The following ZFHX3 variants were observed in gnomAD, a reference collection of about 807,000 sequenced individuals.
The protein encoded by ZFHX3 is zinc finger homeobox 3, also known as zinc finger homeobox protein 3.
ZFHX3 carries 42 observed loss-of-function variants against 279.1 expected under a neutral mutation model. That is an observed-to-expected ratio of 0.15 (90% CI 0.12 to 0.19). ZFHX3 has a LOEUF of 0.19. Ranked by LOEUF, ZFHX3 falls within the 10% of genes least tolerant of loss-of-function variation. The pLI is 1.00. For synonymous variants in ZFHX3, 2,293 were observed against 1,957.8 expected (o/e 1.17, Z -4.52); for missense variants, 4,981 against 4,754.0 (o/e 1.05, Z -1.40).
intron 2 of ZFHX3, among the ~76,000 whole-genome samples, chr16:73,634,119 T>A (rs1450288622): frequency 1.3e-5 from 2 of 152,106 alleles, no homozygotes; most frequent in Admixed American, 6.6e-5. Context: ...GATCTATCTA[T>A]GTGTACATAC....
At chr16:73,211,067 C>T (rs1253390091) in intron 5 of ZFHX3, among the ~76,000 whole-genome samples, 1 of 152,182 alleles carries the variant, frequency 6.6e-6, no homozygotes, top group Admixed American at 6.5e-5. Context: ...CCCATGACCC[C>T]TGGCTTTACA....
intron 3 of ZFHX3, among the ~76,000 whole-genome samples, chr16:72,897,022 G>C (rs1170490086): frequency 6.6e-6 from 1 of 152,216 alleles, no homozygotes; most frequent in African/African-American, 2.4e-5. Flanking sequence ...CTGAGCCAGG[G>C]GGCTATTCCA....
chr16:72,972,642 G>A (rs528095816), intron 1 of ZFHX3, among the ~76,000 whole-genome samples: 5 of 152,274 alleles, frequency 3.3e-5, no homozygotes, highest in Non-Finnish European at 5.9e-5. Context: ...AAGGCACTAT[G>A]TCGCCAAGAT....
chr16:73,330,126 C>T (rs571782551), intron 3 of ZFHX3, among the ~76,000 whole-genome samples: 1 of 151,880 alleles, frequency 6.6e-6, no homozygotes, highest in Non-Finnish European at 1.5e-5. Flanking sequence ...GCAGGCGCTC[C>T]AACAGCAGAA....
chr16:72,941,050 CAAG>C (rs1960388027), intron 3 of ZFHX3, among the ~76,000 whole-genome samples: 1 of 152,214 alleles, frequency 6.6e-6, no homozygotes, highest in Non-Finnish European at 1.5e-5. Flanking sequence ...AGGAGGAGAC[CAAG>C]AAGGCCTGGA....
At chr16:73,099,708 C>T (rs1385823623) in intron 7 of ZFHX3, among the ~76,000 whole-genome samples, 1 of 100,576 alleles carries the variant, frequency 9.9e-6, no homozygotes, top group East Asian at 3.6e-4. Context: ...GAGACTCCAT[C>T]TCAAAAAAAA....
At chr16:72,892,520 T>C (rs530035523) in intron 3 of ZFHX3, among the ~76,000 whole-genome samples, 1 of 152,022 alleles carries the variant, frequency 6.6e-6, no homozygotes, top group South Asian at 2.1e-4. Flanking sequence ...GTTTTTTTTT[T>C]TTTTTGAGAC....
At chr16:73,507,716 G>T (rs2065046783) in intron 2 of ZFHX3, among the ~76,000 whole-genome samples, 1 of 152,038 alleles carries the variant, frequency 6.6e-6, no homozygotes, top group Non-Finnish European at 1.5e-5. Context: ...GCCCAGGCTG[G>T]TGTTGAACTC....
chr16:73,588,326 G>GA (rs1254217367), intron 2 of ZFHX3, among the ~76,000 whole-genome samples: 1 of 151,946 alleles, frequency 6.6e-6, no homozygotes, highest in African/African-American at 2.4e-5. Flanking sequence ...GAGGAAAACA[G>GA]AAAAAAAGAA....
intron 5 of ZFHX3, among the ~76,000 whole-genome samples, chr16:73,246,727 C>A (rs965705177): frequency 3.3e-5 from 5 of 152,208 alleles, no homozygotes; most frequent in Admixed American, 2.6e-4. Context: ...AAATAAGCAG[C>A]AATTTAGGGT....
chr16:73,338,622 C>T (rs2015964124), intron 3 of ZFHX3, among the ~76,000 whole-genome samples: 1 of 152,098 alleles, frequency 6.6e-6, no homozygotes, highest in East Asian at 1.9e-4. Flanking sequence ...ACTGCTCTGA[C>T]CTACAAAACA....
At chr16:73,812,414 A>G (rs1960451532) in intron 1 of ZFHX3, among the ~76,000 whole-genome samples, 1 of 152,150 alleles carries the variant, frequency 6.6e-6, no homozygotes. Flanking sequence ...ACAATGCACT[A>G]TAGAAATGGT....
rs138784074 is a variant in ZFHX3 at position 73,807,373 on chromosome 16, T to A, written c.-1608+84278A>T. ...TCAGCCCAAGAGCATTCAAATCCAC[T>A]GATAGCCAAATTTAGGAAAATGCCA... On this transcript the variant is annotated intron_variant, in intron 1 of 17. Transcript: ENST00000641206. Among the ~76,000 whole-genome samples the A allele has an allele frequency of 9.8e-5, 15 of 152,294 alleles. 1 individual carries two copies. Among genetic ancestry groups the A allele is most frequent in the Admixed American group, 3.9e-4 (6 of 15,296 alleles).
At chr16:73,076,389 A>G (rs905459606) in intron 8 of ZFHX3, among the ~76,000 whole-genome samples, 3 of 151,968 alleles carry the variant, frequency 2.0e-5, no homozygotes, top group Non-Finnish European at 4.4e-5. Flanking sequence ...TCAAGGACAA[A>G]CTCCCTATAC....
intron 1 of ZFHX3, among the ~76,000 whole-genome samples, chr16:73,843,177 G>C (rs1360117782): frequency 6.6e-6 from 1 of 152,222 alleles, no homozygotes; most frequent in Non-Finnish European, 1.5e-5. Flanking sequence ...AGTTATTTTA[G>C]ACAAGAACAA....
chr16:73,183,007 C>T (rs1277101480), intron 5 of ZFHX3, among the ~76,000 whole-genome samples: 1 of 152,180 alleles, frequency 6.6e-6, no homozygotes, highest in Admixed American at 6.5e-5. Flanking sequence ...GAGTTCAAGA[C>T]CAGCCTGACC....
At chr16:73,800,343 G>A (rs915499855) in intron 1 of ZFHX3, among the ~76,000 whole-genome samples, 5 of 151,582 alleles carry the variant, frequency 3.3e-5, no homozygotes, top group African/African-American at 4.8e-5. Context: ...TCAGCCTTTC[G>A]AGTAGCTGGG....
chr16:73,439,843 A>G (rs1344258559), intron 3 of ZFHX3, among the ~76,000 whole-genome samples: 3 of 147,424 alleles, frequency 2.0e-5, no homozygotes, highest in Admixed American at 6.8e-5. Context: ...TTGCCTTGAA[A>G]GGCTGAGGCT....
intron 3 of ZFHX3, among the ~76,000 whole-genome samples, chr16:73,319,986 T>C (rs2015541579): frequency 6.6e-6 from 1 of 152,120 alleles, no homozygotes; most frequent in African/African-American, 2.4e-5. Flanking sequence ...TTAAGGAAAG[T>C]GTGCTGTATG....
Sources: gnomAD v4.1 joint callset for allele counts (sites outside exome capture counted in the v4.1 genomes callset) on GRCh38, gnomAD v4.1.1 for gene constraint, MANE v1.5 for transcripts, NCBI Gene and HGNC (gene_info 2026-07-23, HGNC 2026-07-21) for gene names.